The following PEX19 variants were observed in gnomAD, a reference collection of about 807,000 sequenced individuals.
The protein encoded by PEX19 is 33 kDa housekeeping protein.
Under a neutral mutation model 36.3 loss-of-function variants are expected in PEX19, and 29 were observed. The observed-to-expected ratio is 0.80, with a 90% CI of 0.60 to 1.09. The LOEUF (loss-of-function observed/expected upper bound fraction) is 1.09, where lower values mean the gene tolerates loss of function less well. PEX19 is among the 50% of genes least tolerant of loss of function. The pLI is 0.00. For missense variants in PEX19, 396 were observed against 368.1 expected (o/e 1.08, Z -0.62); for synonymous variants, 141 against 135.2 (o/e 1.04, Z -0.30).
rs1657715268 is a variant in PEX19 at position 160,280,241 on chromosome 1, T to C, written c.600A>G (p.Pro200=). ...PSLKEITEKY[P]EWLQSHRESL... is the part of the protein sequence containing the mutation. ...ATTCCCGATGACTCTGCAACCATTC[T>C]GGATACTAAGAAAAGAGAGAATGGG... Residue 200 remains proline (P), a synonymous_variant, in exon 6 of 8, where the codon CCA becomes CCG. Transcript: ENST00000368072. 2 of 1,613,668 alleles carry C rather than the reference T, an allele frequency of 1.2e-6. No homozygotes were observed. The highest frequency in any genetic ancestry group is 8.5e-7 in the Non-Finnish European group (1 of 1,179,518).
In PEX19 at chr1:160,277,939, G is replaced by C. The variant is rs1421908628; in HGVS notation, c.*1612C>G. On this transcript the variant is annotated 3_prime_UTR_variant, in exon 8 of 8. Coordinates refer to ENST00000368072, the MANE Select transcript of PEX19 (RefSeq NM_002857.4). ...AGTTGGAATTTCCCAAATAGCCTGA[G>C]ACCTTGAGAACATTTCCTTCCTCAC... 1 of 692,532 alleles carries C rather than the reference G, an allele frequency of 1.4e-6. No homozygotes were observed. Among genetic ancestry groups the C allele is most frequent in the Admixed American group, 2.0e-5 (1 of 49,768 alleles). 42.9% of individuals were successfully genotyped at this position (692,532 alleles called of 1,614,324 possible). A position where few individuals can be genotyped will look rare whatever the true frequency, so the allele number is the denominator to read the frequency against.
At chr1:160,282,714 A>G in intron 3 of PEX19, 1 of 674,076 alleles carries the variant, frequency 1.5e-6, no homozygotes, top group Non-Finnish European at 2.6e-6. Context: ...ACCCACAATA[A>G]CACTGTGACC....
rs201793831 is a variant in PEX19 at position 160,280,282 on chromosome 1, T to C, written c.595-36A>G. The stretch of plus-strand genomic sequence containing the variant: ...AGAGAATGGGTGGAAAAGAATTAAG[T>C]GAACAATGGATATGGATGGGTAATC... On this transcript the variant is annotated intron_variant, in intron 5 of 7. Coordinates refer to ENST00000368072, the MANE Select transcript of PEX19 (RefSeq NM_002857.4). The C allele has an allele frequency of 9.3e-5, 146 of 1,563,362 alleles. 1 individual carries two copies. The highest frequency in any genetic ancestry group is 3.5e-6 in the Non-Finnish European group (4 of 1,133,782).
chr1:160,278,399 C>T lies in PEX19; in HGVS notation c.*1152G>A. 1 of 659,616 alleles carries T rather than the reference C, an allele frequency of 1.5e-6. No individual in the cohort carries two copies. Among genetic ancestry groups the T allele is most frequent in the Non-Finnish European group, 2.8e-6 (1 of 360,540 alleles). 40.9% of individuals were successfully genotyped at this position (659,616 alleles called of 1,614,324 possible). ...TGGGTGTTGATGGAACCCAGCATTA[C>T]AATATTGTGTAGAACTAGTCTCCTA... is the stretch of plus-strand genomic sequence containing the variant. On this transcript the variant is annotated 3_prime_UTR_variant, in exon 8 of 8. Coordinates refer to ENST00000368072, the MANE Select transcript of PEX19 (RefSeq NM_002857.4).
chr1:160,279,918 C>G, intron 6 of PEX19, 73 bp from the exon 7 acceptor site: 1 of 1,396,524 alleles, frequency 7.2e-7, no homozygotes, highest in East Asian at 2.3e-5. Context: ...GAAGAGGAAT[C>G]TAATGAATGA....
At chr1:160,284,075 A>T in intron 1 of PEX19, 2 of 471,980 alleles carry the variant, frequency 4.2e-6, no homozygotes, top group Non-Finnish European at 4.4e-6. Context: ...AGCACAGGAC[A>T]TCCCACCCAG....
At chr1:160,282,689 A>G in intron 3 of PEX19, 187 bp from the exon 4 acceptor site, 1 of 678,272 alleles carries the variant, frequency 1.5e-6, no homozygotes, top group Admixed American at 2.3e-5. Context: ...GCATCAGTTT[A>G]TTCTCCATGA....
intron 5 of PEX19, 21 bp from the exon 6 acceptor site, chr1:160,280,267 T>G: frequency 6.2e-7 from 1 of 1,604,276 alleles, no homozygotes; most frequent in South Asian, 1.1e-5. Flanking sequence ...AGAGAATGGG[T>G]GGAAAAGAAT....
Position 160,278,045 on chromosome 1 carries a change from G to A in PEX19, c.*1506C>T, listed in dbSNP as rs1377462580. On this transcript the variant is annotated 3_prime_UTR_variant, in exon 8 of 8. Transcript: ENST00000368072. The stretch of plus-strand genomic sequence containing the variant: ...AAGTGACATGTCAGAAGCTCAAAGC[G>A]ACTCATAATGCATGTGAATTTGCTT... 17 of 701,864 alleles carry A rather than the reference G, an allele frequency of 2.4e-5. No homozygotes were observed. Among genetic ancestry groups the A allele is most frequent in the South Asian group, 1.0e-4 (7 of 67,458 alleles). 43.5% of individuals were successfully genotyped at this position (701,864 alleles called of 1,614,324 possible).
At position 160,277,353 on chromosome 1, in the gene PEX19, T is replaced by G; in HGVS notation, c.*2198A>C. On this transcript the variant is annotated 3_prime_UTR_variant, in exon 8 of 8. Coordinates refer to ENST00000368072, the MANE Select transcript of PEX19 (RefSeq NM_002857.4). ...TGGCCAGTTTGGGTGCTGTCAAACT[T>G]GCCGGGTCGGCAGCACACAGTGTGA... is the stretch of plus-strand genomic sequence containing the variant. 1 of 456,126 alleles carries G rather than the reference T, an allele frequency of 2.2e-6. No homozygotes were observed. 28.3% of individuals were successfully genotyped at this position (456,126 alleles called of 1,614,324 possible). A position where few individuals can be genotyped will look rare whatever the true frequency, so the allele number is the denominator to read the frequency against.
chr1:160,278,123 G>T lies in PEX19; in HGVS notation c.*1428C>A. On this transcript the variant is annotated 3_prime_UTR_variant, in exon 8 of 8. Transcript: ENST00000368072. ...AGGACAGCCAGCTGAGCTGACCAGA[G>T]TACCTACCAACATATGTCAGCCAAG... 1.4e-6 allele frequency: 1 copy of T among 702,510 alleles called. No individual in the cohort carries two copies. Among genetic ancestry groups the T allele is most frequent in the South Asian group, 1.5e-5 (1 of 67,606 alleles). 43.5% of individuals were successfully genotyped at this position (702,510 alleles called of 1,614,324 possible).
rs147009792 is a variant in PEX19, at chr1:160,280,582, T to C, written c.595-336A>G. The stretch of plus-strand genomic sequence containing the variant: ...CCCAGGCTGGAGTGTGATGGTGTGA[T>C]CACCACTCACTGCAGCCTCGATCTC... On this transcript the variant is annotated intron_variant, in intron 5 of 7. Transcript: ENST00000368072. 3.8e-4 allele frequency among the ~76,000 whole-genome samples: 58 copies of C among 152,074 alleles called. 1 individual carries two copies. The East Asian group carries it at 9.9e-3, about 26-fold the overall frequency.
At chr1:160,284,926 A>T in intron 1 of PEX19, 129 bp downstream of exon 1, 2 of 794,900 alleles carry the variant, frequency 2.5e-6, no homozygotes, top group East Asian at 2.5e-5. Context: ...CTCGGGGGTC[A>T]GACTCTCCGC....
chr1:160,283,418 G>T, intron 2 of PEX19, 112 bp downstream of exon 2: 1 of 762,144 alleles, frequency 1.3e-6, no homozygotes, highest in South Asian at 1.8e-5. Flanking sequence ...TCACCAATGT[G>T]AGGCCAAGGT....
chr1:160,283,593 AG>A lies in PEX19; in HGVS notation c.116del (p.Pro39LeufsTer53), dbSNP rs1657876410. ...FDKAKPSPAP[P>X]STTTAPDASG... ...AAGCATCAGGGGCCGTGGTGGTAGA[AG>A]GGGGTGCTGGGGAGGGTTTGGCTTT... On this transcript the variant is annotated frameshift_variant, in exon 2 of 8. Coordinates refer to ENST00000368072, the MANE Select transcript of PEX19 (RefSeq NM_002857.4). LOFTEE classifies it high-confidence loss of function. The A allele has an allele frequency of 1.9e-6, 3 of 1,614,018 alleles. No individual in the cohort carries two copies. Among genetic ancestry groups the A allele is most frequent in the Non-Finnish European group, 2.5e-6 (3 of 1,180,014 alleles).
chr1:160,280,991 G>A (rs1657751899), intron 5 of PEX19, among the ~76,000 whole-genome samples: 2 of 152,126 alleles, frequency 1.3e-5, no homozygotes, highest in Admixed American at 6.6e-5. Flanking sequence ...TTCTATTCCT[G>A]TATTTTATCT....
At chr1:160,282,880 GT>G in intron 3 of PEX19, 63 bp downstream of exon 3, 1 of 1,549,326 alleles carries the variant, frequency 6.5e-7, no homozygotes, top group Non-Finnish European at 8.9e-7. Flanking sequence ...GAATTCTGGT[GT>G]TTTCAGGCAA....
In PEX19 at chr1:160,282,410, T is replaced by A; in HGVS notation, c.432+7A>T. On this transcript the variant is annotated splice_region_variant and intron_variant, in intron 4 of 7. Coordinates refer to ENST00000368072, the MANE Select transcript of PEX19 (RefSeq NM_002857.4). Reference sequence around the variant, plus strand: ...CCCCTTGTGGGCCCCTACTACTTTCTCCTCACCTGAAGGTCAGTGGCATTT... The same window carrying A: ...CCCCTTGTGGGCCCCTACTACTTTCACCTCACCTGAAGGTCAGTGGCATTT... 6.2e-7 allele frequency: 1 copy of A among 1,610,768 alleles called. No individual in the cohort carries two copies. The highest frequency in any genetic ancestry group is 1.1e-5 in the South Asian group (1 of 91,014).
Position 160,278,397 on chromosome 1 carries a change from T to C in PEX19, c.*1154A>G. ...GGTGGGTGTTGATGGAACCCAGCAT[T>C]ACAATATTGTGTAGAACTAGTCTCC... is the stretch of plus-strand genomic sequence containing the variant. On this transcript the variant is annotated 3_prime_UTR_variant, in exon 8 of 8. Coordinates refer to ENST00000368072, the MANE Select transcript of PEX19 (RefSeq NM_002857.4). 3.0e-6 allele frequency: 2 copies of C among 661,586 alleles called. No individual in the cohort carries two copies. Among genetic ancestry groups the C allele is most frequent in the Non-Finnish European group, 2.8e-6 (1 of 361,712 alleles). 41.0% of individuals were successfully genotyped at this position (661,586 alleles called of 1,614,324 possible). A position where few individuals can be genotyped will look rare whatever the true frequency, so the allele number is the denominator to read the frequency against.
Sources: allele counts gnomAD v4.1 joint callset (sites outside exome capture counted in the v4.1 genomes callset), GRCh38; gene constraint gnomAD v4.1.1; transcripts MANE v1.5; gene names NCBI Gene and HGNC (gene_info 2026-07-23, HGNC 2026-07-21).